ASTN1: variants seen among roughly 807,000 people sequenced by gnomAD.
ASTN1 encodes astrotactin 1, also known as astrotactin-1.
A neutral mutation model predicts 140.7 loss-of-function variants in ASTN1; 41 were observed. That is an observed-to-expected ratio of 0.29 (90% CI 0.23 to 0.38). The LOEUF is 0.38. ASTN1 is among the 10% of genes least tolerant of loss of function. The pLI is 1.00. For synonymous variants in ASTN1, 640 were observed against 652.2 expected, an observed-to-expected ratio of 0.98 and a Z score of 0.29; for missense variants, 1,479 against 1,678.8, an observed-to-expected ratio of 0.88 and a Z score of 2.08.
At chr1:176,903,985 T>C (rs1233524631) in intron 16 of ASTN1, among the ~76,000 whole-genome samples, 12 of 152,226 alleles carry the variant, frequency 7.9e-5, no homozygotes, top group Admixed American at 7.9e-4. Context: ...TTTCTGTGTG[T>C]CTGTGTCCAA....
chr1:177,005,474 G>A (rs1674945948), intron 8 of ASTN1, among the ~76,000 whole-genome samples: 1 of 152,012 alleles, frequency 6.6e-6, no homozygotes, highest in African/African-American at 2.4e-5. Context: ...CCCACTATTG[G>A]GTATCTATCC....
chr1:176,902,011 C>A (rs1317944633), intron 16 of ASTN1, among the ~76,000 whole-genome samples: 1 of 152,146 alleles, frequency 6.6e-6, no homozygotes, highest in Non-Finnish European at 1.5e-5. Context: ...AGCAAGAAGT[C>A]TTTGTCATAA....
intron 5 of ASTN1, 156 bp downstream of exon 5, chr1:177,029,478 C>T (rs748609167): frequency 2.5e-5 from 20 of 803,556 alleles, no homozygotes; most frequent in Admixed American, 1.6e-4. Context: ...TTCTTTCTTC[C>T]TTAGGAGGAA....
At chr1:177,142,083 A>G (rs1013307150) in intron 1 of ASTN1, among the ~76,000 whole-genome samples, 1 of 152,196 alleles carries the variant, frequency 6.6e-6, no homozygotes, top group Non-Finnish European at 1.5e-5. Context: ...AGGGAACTAC[A>G]TGTATCACTA....
At position 176,945,884 on chromosome 1, in the gene ASTN1, C is replaced by T. The variant is rs376971416; in HGVS notation, c.2249+42G>A. Reference sequence around the variant, plus strand: ...GTGCAAACTCTTTAGAGAAAGTCCACCAACAGTCTTGAACAATCAGTTCTA... The same window carrying T: ...GTGCAAACTCTTTAGAGAAAGTCCATCAACAGTCTTGAACAATCAGTTCTA... On this transcript the variant is annotated intron_variant, in intron 13 of 22. Transcript: ENST00000361833. 6 of 1,533,936 alleles carry T rather than the reference C, an allele frequency of 3.9e-6. No homozygotes were observed. In the African/African-American group the frequency reaches 8.2e-5, roughly 21 times the overall value.
chr1:177,131,901 A>G (rs1292678720), intron 1 of ASTN1, among the ~76,000 whole-genome samples: 1 of 152,120 alleles, frequency 6.6e-6, no homozygotes, highest in Non-Finnish European at 1.5e-5. Flanking sequence ...TCTTTTTAAC[A>G]ATCAGCTTCT....
chr1:176,952,458 G>T (rs960739459), intron 11 of ASTN1, among the ~76,000 whole-genome samples: 12 of 151,874 alleles, frequency 7.9e-5, no homozygotes, highest in Admixed American at 5.2e-4. Flanking sequence ...TGCTTAGGCT[G>T]CAGTTCAGAG....
At chr1:176,933,388 G>C (rs1008955888) in intron 16 of ASTN1, among the ~76,000 whole-genome samples, 2 of 152,184 alleles carry the variant, frequency 1.3e-5, no homozygotes, top group Admixed American at 6.5e-5. Flanking sequence ...CCTTTAGCAA[G>C]TCCCATATCT....
intron 17 of ASTN1, 89 bp from the exon 18 acceptor site, chr1:176,888,293 G>A: frequency 6.8e-7 from 1 of 1,468,704 alleles, no homozygotes. Flanking sequence ...GGATCTGCAT[G>A]GCCCTAAATT....
chr1:177,133,510 T>G (rs1304949224), intron 1 of ASTN1, among the ~76,000 whole-genome samples: 2 of 152,210 alleles, frequency 1.3e-5, no homozygotes, highest in Non-Finnish European at 2.9e-5. Flanking sequence ...TTCTCTTTTC[T>G]TTAGGTGGTG....
At chr1:177,143,761 T>C (rs1364103408) in intron 1 of ASTN1, among the ~76,000 whole-genome samples, 1 of 152,102 alleles carries the variant, frequency 6.6e-6, no homozygotes, top group Non-Finnish European at 1.5e-5. Flanking sequence ...CTAATACATA[T>C]ATTTTCTAAT....
intron 1 of ASTN1, among the ~76,000 whole-genome samples, chr1:177,139,376 G>A (rs1008994337): frequency 1.3e-5 from 2 of 152,220 alleles, no homozygotes; most frequent in Non-Finnish European, 2.9e-5. Flanking sequence ...ACTCATTCTG[G>A]TCTTTGCAGA....
chr1:176,964,654 A>C (rs939129209), intron 9 of ASTN1, among the ~76,000 whole-genome samples: 4 of 152,152 alleles, frequency 2.6e-5, no homozygotes. Flanking sequence ...TAGGTAAAAG[A>C]AAATAATAAT....
chr1:177,053,891 C>T (rs188083703), intron 2 of ASTN1, among the ~76,000 whole-genome samples: 1 of 152,316 alleles, frequency 6.6e-6, no homozygotes, highest in Non-Finnish European at 1.5e-5. Flanking sequence ...CTGGGGTTAG[C>T]TGCCTGGTGT....
intron 2 of ASTN1, among the ~76,000 whole-genome samples, chr1:177,053,655 C>T (rs988721989): frequency 1.3e-5 from 2 of 152,152 alleles, no homozygotes; most frequent in Non-Finnish European, 2.9e-5. Flanking sequence ...GTCAATAATG[C>T]TTTGAAAATA....
chr1:176,883,578 T>C (rs948770268), intron 19 of ASTN1, among the ~76,000 whole-genome samples: 1 of 152,330 alleles, frequency 6.6e-6, no homozygotes, highest in Non-Finnish European at 1.5e-5. Context: ...GCAATACCTG[T>C]GCGCATCAGG....
At chr1:176,988,983 G>A (rs950973668) in intron 8 of ASTN1, among the ~76,000 whole-genome samples, 2 of 152,188 alleles carry the variant, frequency 1.3e-5, no homozygotes, top group African/African-American at 4.8e-5. Flanking sequence ...TTTAAACAAT[G>A]GAATTAGTAT....
At position 176,884,334 on chromosome 1, in the gene ASTN1, C is replaced by T. The variant is rs997020667; in HGVS notation, c.3226+5G>A. 1.2e-6 allele frequency: 2 copies of T among 1,612,670 alleles called. No homozygotes were observed. The highest frequency in any genetic ancestry group is 1.3e-5 in the African/African-American group (1 of 75,038). On this transcript the variant is annotated splice_donor_5th_base_variant and intron_variant, in intron 19 of 22. Coordinates refer to ENST00000361833, the MANE Select transcript of ASTN1 (RefSeq NM_004319.3). ...AGACAAGCCCATGAAGTAGAAGGTG[C>T]TCACCTGTCTCCACTTTGGAGTGGT...
At chr1:176,902,404 C>A (rs960932898) in intron 16 of ASTN1, among the ~76,000 whole-genome samples, 1 of 152,040 alleles carries the variant, frequency 6.6e-6, no homozygotes, top group African/African-American at 2.4e-5. Context: ...ATACCCCGAA[C>A]AGCTTTTTAA....
Sources: allele counts gnomAD v4.1 joint callset (sites outside exome capture counted in the v4.1 genomes callset), GRCh38; gene constraint gnomAD v4.1.1; transcripts MANE v1.5; gene names NCBI Gene and HGNC (gene_info 2026-07-23, HGNC 2026-07-21).